The following PTK2B variants were observed in gnomAD, a reference collection of about 807,000 sequenced individuals.
The protein encoded by PTK2B is protein-tyrosine kinase 2-beta.
Under a neutral mutation model 142.9 loss-of-function variants are expected in PTK2B, and 71 were observed. That is an observed-to-expected ratio of 0.50 (90% confidence interval 0.41 to 0.61). The LOEUF is 0.61. Among genes scored for constraint, PTK2B ranks in the 20% least tolerant of loss-of-function variants. PTK2B has a pLI of 0.00. For synonymous variants in PTK2B, 519 were observed against 503.4 expected (o/e 1.03, Z -0.42); for missense variants, 1,105 against 1,320.4 (o/e 0.84, Z 2.53).
intron 24 of PTK2B, among the ~76,000 whole-genome samples, chr8:27,449,577 C>T (rs1159649182): frequency 1.3e-5 from 2 of 152,226 alleles, no homozygotes; most frequent in African/African-American, 4.8e-5. Context: ...AGGGACCTGC[C>T]AGCTTAGATG....
chr8:27,336,346 A>C lies in PTK2B; in HGVS notation c.-38+10665A>C, dbSNP rs561368867. Among the ~76,000 whole-genome samples, 13 of 152,290 alleles carry C rather than the reference A, an allele frequency of 8.5e-5. No individual in the cohort carries two copies. The South Asian group carries it at 2.7e-3, about 32-fold the overall frequency. ...CAAACCTTTCATAAAAATGACCTCA[A>C]ACTTGAGCTCCTTTTTAATTCAGAC... On this transcript the variant is annotated intron_variant, in intron 1 of 30. Coordinates refer to ENST00000346049, the MANE Select transcript of PTK2B (RefSeq NM_173176.3).
At chr8:27,320,980 C>CTTTTTTTTTTTTTTTTTTTTTTTTTTT (rs776395346), upstream of PTK2B, among the ~76,000 whole-genome samples, 4 of 39,398 alleles carry the variant, frequency 1.0e-4, 1 homozygote, top group Non-Finnish European at 1.8e-4. Flanking sequence ...ATACAAAAGG[C>CTTTTTTTTTTTTTTTTTTTTTTTTTTT]TTTTTTTTTT....
intron 1 of PTK2B, among the ~76,000 whole-genome samples, chr8:27,342,789 T>C (rs938613714): frequency 6.6e-6 from 1 of 152,214 alleles, no homozygotes; most frequent in Non-Finnish European, 1.5e-5. Flanking sequence ...ACTTACACTA[T>C]AGTCCTGAGG....
In PTK2B at chr8:27,458,281, G is replaced by C; in HGVS notation, c.2815-13G>C. ...TGTGGCCTCTCAACCTGTCCTGTGT[G>C]ATCTTCCTACAGATCGAGGGCACCC... On this transcript the variant is annotated splice_polypyrimidine_tract_variant and intron_variant, in intron 30 of 30. Coordinates refer to ENST00000346049, the MANE Select transcript of PTK2B (RefSeq NM_173176.3). 6.2e-7 allele frequency: 1 copy of C among 1,611,884 alleles called. No individual in the cohort carries two copies. The highest frequency in any genetic ancestry group is 8.5e-7 in the Non-Finnish European group (1 of 1,178,340).
In PTK2B at chr8:27,434,146, G is replaced by T; in HGVS notation, c.1145+14G>T. On this transcript the variant is annotated intron_variant, in intron 12 of 30. Coordinates refer to ENST00000346049, the MANE Select transcript of PTK2B (RefSeq NM_173176.3). ...GATCCCCATGCTGTGAGTACAATGG[G>T]GTGCAGAGGACAGGGCCCTGAGCTC... 15 of 1,613,428 alleles carry T rather than the reference G, an allele frequency of 9.3e-6. No homozygotes were observed. Among genetic ancestry groups the T allele is most frequent in the Non-Finnish European group, 1.3e-5 (15 of 1,179,352 alleles).
chr8:27,413,123 C>T (rs1446097686), intron 2 of PTK2B, among the ~76,000 whole-genome samples: 3 of 151,938 alleles, frequency 2.0e-5, no homozygotes, highest in African/African-American at 7.3e-5. Context: ...TCTGTATTGC[C>T]AGCTCAGTCT....
chr8:27,331,112 A>C (rs1184698480), intron 1 of PTK2B, among the ~76,000 whole-genome samples: 4 of 152,192 alleles, frequency 2.6e-5, no homozygotes, highest in Non-Finnish European at 5.9e-5. Context: ...GGGCTCAAAG[A>C]ATCCACCTCG....
At chr8:27,436,631 C>T (rs80307381) in intron 15 of PTK2B, among the ~76,000 whole-genome samples, 3,901 of 151,604 alleles carry the variant, frequency 0.026, 175 homozygotes, top group African/African-American at 0.089. Context: ...AAGGGGGAGG[C>T]GGGATAAAGA....
intron 3 of PTK2B, among the ~76,000 whole-genome samples, chr8:27,315,611 A>G (rs1586067570): frequency 1.3e-5 from 2 of 149,584 alleles, no homozygotes; most frequent in Admixed American, 6.7e-5. Context: ...TTCTTACCTG[A>G]TCTTCCTTAT....
intron 1 of PTK2B, among the ~76,000 whole-genome samples, chr8:27,346,032 G>A (rs1804691497): frequency 6.6e-6 from 1 of 152,184 alleles, no homozygotes; most frequent in Non-Finnish European, 1.5e-5. Context: ...TGCCAGAAGA[G>A]CTGTTTCTCC....
intron 24 of PTK2B, 54 bp from the exon 25 acceptor site, chr8:27,450,695 A>G (rs996424028): frequency 2.5e-6 from 4 of 1,604,326 alleles, no homozygotes; most frequent in African/African-American, 2.7e-5. Flanking sequence ...TCCCTCCCTG[A>G]GTCTGAGAGC....
At chr8:27,408,164 G>C (rs766413459) in intron 2 of PTK2B, among the ~76,000 whole-genome samples, 29 of 151,476 alleles carry the variant, frequency 1.9e-4, no homozygotes, top group Non-Finnish European at 3.2e-4. Flanking sequence ...TAGAAACTAG[G>C]ATTGTCTTCC....
At chr8:27,384,591 G>T (rs1052627557) in intron 1 of PTK2B, among the ~76,000 whole-genome samples, 4 of 152,146 alleles carry the variant, frequency 2.6e-5, no homozygotes, top group Non-Finnish European at 5.9e-5. Flanking sequence ...CACAAGAAAA[G>T]GTAACTGTGT....
Position 27,405,163 on chromosome 8 carries a change from C to A in PTK2B, c.204+7375C>A, listed in dbSNP as rs73570142. Among the ~76,000 whole-genome samples, 1,064 of 152,162 alleles carry A rather than the reference C, an allele frequency of 7.0e-3. 12 individuals are homozygous for A. Among genetic ancestry groups the A allele is most frequent in the African/African-American group, 0.025 (1,031 of 41,484 alleles). On this transcript the variant is annotated intron_variant, in intron 2 of 30. Transcript: ENST00000346049. ...CTGCTGTACCTTGATCTTAGACTCC[C>A]AGCTCTAGAGCTGTTTAGAAATAAA...
At chr8:27,369,755 A>T (rs1007731356) in intron 1 of PTK2B, among the ~76,000 whole-genome samples, 3 of 152,040 alleles carry the variant, frequency 2.0e-5, no homozygotes, top group Non-Finnish European at 4.4e-5. Context: ...CAGGTGGATC[A>T]CCTGAGGGCA....
Position 27,458,977 on chromosome 8 carries a change from G to A in PTK2B, c.*468G>A, listed in dbSNP as rs1812329245. 3.1e-6 allele frequency: 1 copy of A among 319,628 alleles called. No individual in the cohort carries two copies. Among genetic ancestry groups the A allele is most frequent in the Non-Finnish European group, 5.9e-6 (1 of 169,628 alleles). 19.8% of individuals were successfully genotyped at this position (319,628 alleles called of 1,614,324 possible). A position where few individuals can be genotyped will look rare whatever the true frequency, so the allele number is the denominator to read the frequency against. ...TTGGGGGTCAGGCAGCCAGTGAGAT[G>A]AGGGATGGGCCTGGCATTCTTGTAC... is the stretch of plus-strand genomic sequence containing the variant. On this transcript the variant is annotated 3_prime_UTR_variant, in exon 31 of 31. Transcript: ENST00000346049.
chr8:27,432,005 T>TTTTA, intron 9 of PTK2B: 1 of 402,358 alleles, frequency 2.5e-6, no homozygotes. Flanking sequence ...TTTTTTTTTT[T>TTTTA]ACCTTCATCA....
chr8:27,311,625 C>T (rs1463245343), exon 1 of PTK2B: 2 of 225,760 alleles, frequency 8.9e-6, no homozygotes, highest in Non-Finnish European at 1.7e-5. Flanking sequence ...CTTAACCAAT[C>T]CCCGGGAACC....
intron 1 of PTK2B, among the ~76,000 whole-genome samples, chr8:27,354,481 G>T (rs758759951): frequency 1.8e-4 from 27 of 152,160 alleles, no homozygotes; most frequent in Non-Finnish European, 3.5e-4. Context: ...GAAAGGAGAC[G>T]TTGCAGACAG....
Sources: gnomAD v4.1 joint callset for allele counts (sites outside exome capture counted in the v4.1 genomes callset) on GRCh38, gnomAD v4.1.1 for gene constraint, MANE v1.5 for transcripts, NCBI Gene and HGNC (gene_info 2026-07-23, HGNC 2026-07-21) for gene names.